PDE4D: variants seen among roughly 807,000 people sequenced by gnomAD.
The protein encoded by PDE4D is phosphodiesterase 4D.
A neutral mutation model predicts 87.4 loss-of-function variants in PDE4D; 24 were observed. That is an observed-to-expected ratio of 0.27 (90% CI 0.20 to 0.39). The LOEUF is 0.39. PDE4D is among the 10% of genes least tolerant of loss of function. The pLI is 1.00. For missense variants in PDE4D, 714 were observed against 1,041.0 expected, an observed-to-expected ratio of 0.69 and a Z score of 4.32; for synonymous variants, 384 against 383.2, an observed-to-expected ratio of 1.00 and a Z score of -0.02.
intron 1 of PDE4D, among the ~76,000 whole-genome samples, chr5:59,691,220 G>C (rs1750859342): frequency 6.6e-6 from 1 of 152,144 alleles, no homozygotes; most frequent in African/African-American, 2.4e-5. Flanking sequence ...CCCATTACTG[G>C]GTATATACCC....
chr5:59,680,130 G>C (rs565071259), intron 1 of PDE4D, among the ~76,000 whole-genome samples: 14 of 152,070 alleles, frequency 9.2e-5, no homozygotes, highest in Non-Finnish European at 1.6e-4. Flanking sequence ...ATAATTAATG[G>C]CATTGCTTTT....
chr5:59,560,549 G>C (rs902295114), intron 1 of PDE4D, among the ~76,000 whole-genome samples: 2 of 152,182 alleles, frequency 1.3e-5, no homozygotes, highest in Non-Finnish European at 2.9e-5. Context: ...AGAAAAGACA[G>C]GTAAACAGTT....
At chr5:60,429,968 T>A in intron 1 of PDE4D, 1 of 519,002 alleles carries the variant, frequency 1.9e-6, no homozygotes, top group South Asian at 1.4e-5. Flanking sequence ...GCAACCAAAG[T>A]ATAGAGCTTG....
At chr5:59,323,509 A>G (rs1367597208) in intron 1 of PDE4D, among the ~76,000 whole-genome samples, 2 of 152,058 alleles carry the variant, frequency 1.3e-5, no homozygotes, top group African/African-American at 4.8e-5. Context: ...TTCTTTGGAT[A>G]TCCTAACTCA....
chr5:59,891,806 C>A (rs960269819), intron 1 of PDE4D, among the ~76,000 whole-genome samples: 1 of 151,818 alleles, frequency 6.6e-6, no homozygotes, highest in South Asian at 2.1e-4. Flanking sequence ...CACACACACA[C>A]AAAACTCAAA....
At chr5:59,106,668 G>A (rs903702155) in intron 5 of PDE4D, among the ~76,000 whole-genome samples, 7 of 152,240 alleles carry the variant, frequency 4.6e-5, no homozygotes, top group Admixed American at 1.3e-4. Flanking sequence ...GCTGAGGAAG[G>A]AGAATCGCTT....
chr5:59,913,688 G>T (rs1753689506), intron 3 of PDE4D, among the ~76,000 whole-genome samples: 2 of 152,010 alleles, frequency 1.3e-5, no homozygotes, highest in South Asian at 4.1e-4. Context: ...TAGAAATTCT[G>T]AGTTAGAATT....
chr5:59,748,593 T>C (rs1759968329), intron 1 of PDE4D, among the ~76,000 whole-genome samples: 2 of 136,958 alleles, frequency 1.5e-5, no homozygotes, highest in East Asian at 2.2e-4. Context: ...TAGGTGGGAA[T>C]TGAACAATGA....
intron 5 of PDE4D, among the ~76,000 whole-genome samples, chr5:59,067,731 TGTA>T (rs1764154220): frequency 6.6e-6 from 1 of 152,224 alleles, no homozygotes; most frequent in African/African-American, 2.4e-5. Context: ...CATGTTCTTT[TGTA>T]TTTAAAATCT....
chr5:59,707,705 C>T (rs1021971575), intron 1 of PDE4D, among the ~76,000 whole-genome samples: 9 of 151,994 alleles, frequency 5.9e-5, no homozygotes, highest in African/African-American at 1.7e-4. Context: ...GTGTTGTTCC[C>T]CTCCCTGTGT....
intron 1 of PDE4D, among the ~76,000 whole-genome samples, chr5:59,271,355 T>C (rs568640874): frequency 9.2e-5 from 14 of 152,268 alleles, no homozygotes; most frequent in African/African-American, 3.4e-4. Context: ...AGAAAAATAT[T>C]GATATGTTAA....
intron 1 of PDE4D, among the ~76,000 whole-genome samples, chr5:59,677,743 C>G (rs939617480): frequency 1.3e-5 from 2 of 152,144 alleles, no homozygotes; most frequent in Admixed American, 6.5e-5. Flanking sequence ...TCCGAATCAG[C>G]CCAGCACCAA....
At chr5:60,278,021 T>C (rs900725690) in intron 1 of PDE4D, among the ~76,000 whole-genome samples, 3 of 152,206 alleles carry the variant, frequency 2.0e-5, no homozygotes, top group African/African-American at 7.2e-5. Context: ...CTTACCATGT[T>C]CTTTTGTCCT....
At chr5:59,055,334 A>G (rs1357967059) in intron 5 of PDE4D, among the ~76,000 whole-genome samples, 1 of 152,120 alleles carries the variant, frequency 6.6e-6, no homozygotes, top group Middle Eastern at 3.2e-3. Context: ...AATTATTATG[A>G]TATCTGTCCT....
At position 60,362,375 on chromosome 5, in the gene PDE4D, G is replaced by T. The variant is rs544840522; in HGVS notation, c.-90+125567C>A. ...GAGAATTTCAAGCTTTATTTACAAG[G>T]ATTTCATATTTTTCCATCAAGATGA... is the stretch of plus-strand genomic sequence containing the variant. On this transcript the variant is annotated intron_variant, in intron 1 of 16. Transcript: ENST00000502484. 1.3e-5 allele frequency among the ~76,000 whole-genome samples: 2 copies of T among 152,192 alleles called. 1 individual carries two copies. The highest frequency in any genetic ancestry group is 6.8e-3 in the Middle Eastern group (2 of 294).
intron 1 of PDE4D, among the ~76,000 whole-genome samples, chr5:60,340,396 A>G (rs913340626): frequency 6.6e-6 from 1 of 152,102 alleles, no homozygotes; most frequent in African/African-American, 2.4e-5. Flanking sequence ...AGAAATATTT[A>G]AAGAGATTGT....
chr5:59,126,399 T>C (rs926437948), intron 5 of PDE4D, among the ~76,000 whole-genome samples: 1 of 152,218 alleles, frequency 6.6e-6, no homozygotes, highest in African/African-American at 2.4e-5. Context: ...TTTGCTAAAC[T>C]CCTTCTCCCT....
At chr5:59,164,926 A>G (rs1781697265) in intron 5 of PDE4D, 1 of 152,082 alleles carries the variant, frequency 6.6e-6, no homozygotes, top group East Asian at 1.9e-4. Context: ...CTTGTATAGA[A>G]CCAAGCATAA....
At chr5:59,267,021 G>A (rs150374769) in intron 1 of PDE4D, among the ~76,000 whole-genome samples, 212 of 152,106 alleles carry the variant, frequency 1.4e-3, no homozygotes, top group African/African-American at 4.9e-3. Flanking sequence ...TCAAAGAGTA[G>A]ATGCCCAATA....
Sources: gnomAD v4.1 joint callset for allele counts (sites outside exome capture counted in the v4.1 genomes callset) on GRCh38, gnomAD v4.1.1 for gene constraint, MANE v1.5 for transcripts, NCBI Gene and HGNC (gene_info 2026-07-23, HGNC 2026-07-21) for gene names.